The following MAPKBP1 variants were observed in gnomAD, a reference collection of about 807,000 sequenced individuals.
The protein encoded by MAPKBP1 is mitogen-activated protein kinase binding protein 1.
In MAPKBP1, 71 loss-of-function variants were observed where a neutral mutation model predicts 170.5. That is an observed-to-expected ratio of 0.42 (90% CI 0.34 to 0.51). The LOEUF is 0.51. Among genes scored for constraint, MAPKBP1 ranks in the 20% least tolerant of loss-of-function variants. The probability of loss-of-function intolerance (pLI) is 0.06; values close to 1 mark genes in which losing one functional copy is unlikely to be tolerated. For synonymous variants in MAPKBP1, 719 were observed against 757.9 expected, an observed-to-expected ratio of 0.95 and a Z score of 0.84; for missense variants, 1,598 against 1,933.0, an observed-to-expected ratio of 0.83 and a Z score of 3.25.
chr15:41,818,735 T>C lies in MAPKBP1; in HGVS notation c.2157-88T>C, dbSNP rs895815581. The C allele has an allele frequency of 6.4e-7, 1 of 1,568,982 alleles. No individual in the cohort carries two copies. The highest frequency in any genetic ancestry group is 1.4e-5 in the African/African-American group (1 of 73,976). ...GACCTGAAGTGGAGGGTGGCTCTGG[T>C]CTCCTTGCCATCCATGGATAAGGGG... On this transcript the variant is annotated intron_variant, in intron 19 of 30. Transcript: ENST00000457542. The surrounding 1 kb of genome is among the most constrained non-coding windows in gnomAD (Gnocchi z 5.2).
intron 3 of MAPKBP1, among the ~76,000 whole-genome samples, chr15:41,804,551 G>A (rs752097385): frequency 6.6e-6 from 1 of 152,232 alleles, no homozygotes; most frequent in Non-Finnish European, 1.5e-5. Context: ...CTTGGTGCAT[G>A]CTGAGACCTG....
chr15:41,820,861 A>T lies in MAPKBP1; in HGVS notation c.2511A>T (p.Pro837=), dbSNP rs766721554. 6.8e-6 allele frequency: 11 copies of T among 1,613,982 alleles called. No homozygotes were observed. The highest frequency in any genetic ancestry group is 9.3e-6 in the Non-Finnish European group (11 of 1,179,954). The part of the protein sequence containing the change: ...RAQESVGFLD[P]APAANPGPRR... ...AGGAGTCCGTGGGGTTCCTGGACCC[A>T]GCTCCTGCAGCCAACCCAGGACCCA... Residue 837 remains proline, a synonymous_variant, in exon 23 of 31, where the codon CCA becomes CCT. Coordinates refer to ENST00000457542, the MANE Select transcript of MAPKBP1 (RefSeq NM_014994.3).
intron 30 of MAPKBP1, 54 bp downstream of exon 30, chr15:41,824,623 G>GT: frequency 6.7e-7 from 1 of 1,486,004 alleles, no homozygotes. Context: ...AGTGCTGGGT[G>GT]TTTCGGATAA....
chr15:41,778,405 T>C (rs2064131686), intron 2 of MAPKBP1, among the ~76,000 whole-genome samples: 1 of 152,200 alleles, frequency 6.6e-6, no homozygotes. Context: ...GGGTTCTTAA[T>C]TCAGGGGAGA....
Position 41,795,862 on chromosome 15 carries a change from G to A in MAPKBP1, c.115-3961G>A, listed in dbSNP as rs1016950171. On this transcript the variant is annotated intron_variant, in intron 2 of 30. Transcript: ENST00000457542. ...CTGACCTCGTGATCCGCCCGTCTCG[G>A]CCTCCCAAAGTGCTGGGATTACAGG... Among the ~76,000 whole-genome samples, 3 of 152,278 alleles carry A rather than the reference G, an allele frequency of 2.0e-5. No individual in the cohort carries two copies. The East Asian group carries it at 5.8e-4, about 29-fold the overall frequency.
Position 41,823,235 on chromosome 15 carries a change from AT to A in MAPKBP1, c.3598+14del. 1 of 1,610,454 alleles carries A rather than the reference AT, an allele frequency of 6.2e-7. No homozygotes were observed. The highest frequency in any genetic ancestry group is 1.1e-5 in the South Asian group (1 of 90,848). On this transcript the variant is annotated intron_variant, in intron 28 of 30. Coordinates refer to ENST00000457542, the MANE Select transcript of MAPKBP1 (RefSeq NM_014994.3). ...CTGGTGCCACAGGGTGAGAAGCCTG[AT>A]GGGTTCAGTGCCAGGGTGCAGGGTG...
intron 2 of MAPKBP1, among the ~76,000 whole-genome samples, chr15:41,795,432 G>T (rs1295727278): frequency 1.3e-5 from 2 of 151,960 alleles, no homozygotes; most frequent in Non-Finnish European, 2.9e-5. Flanking sequence ...TGAAGGGGAG[G>T]GTGTAGGAAA....
intron 27 of MAPKBP1, 78 bp from the exon 28 acceptor site, chr15:41,822,861 G>A (rs2065024430): frequency 6.6e-7 from 1 of 1,523,384 alleles, no homozygotes; most frequent in East Asian, 2.3e-5. Flanking sequence ...GTGCCCTGGT[G>A]CTATGAGTTT....
At chr15:41,816,394 G>A in intron 12 of MAPKBP1, 165 bp from the exon 13 acceptor site, 1 of 584,490 alleles carries the variant, frequency 1.7e-6, no homozygotes, top group Admixed American at 3.0e-5. Context: ...ATTAGGGAAA[G>A]CTGGGTAAGG....
Position 41,816,665 on chromosome 15 carries a change from C to G in MAPKBP1, c.1585+15C>G. The G allele has an allele frequency of 6.2e-7, 1 of 1,609,766 alleles. No homozygotes were observed. The highest frequency in any genetic ancestry group is 8.5e-7 in the Non-Finnish European group (1 of 1,176,772). ...GCCAGACACAGGTTAGGAGAATGCC[C>G]GGAATGGCACAGGGCTCCTCCAGTC... On this transcript the variant is annotated intron_variant, in intron 13 of 30. Coordinates refer to ENST00000457542, the MANE Select transcript of MAPKBP1 (RefSeq NM_014994.3).
intron 21 of MAPKBP1, 39 bp from the exon 22 acceptor site, chr15:41,819,556 G>GGGGGC (rs151281998): frequency 1.1e-5 from 15 of 1,347,540 alleles, no homozygotes; most frequent in Non-Finnish European, 1.4e-5. Flanking sequence ...GCGGGGGGGG[G>GGGGGC]GCAGGAGACA....
intron 3 of MAPKBP1, among the ~76,000 whole-genome samples, chr15:41,807,261 G>A (rs750124951): frequency 6.6e-5 from 10 of 152,146 alleles, no homozygotes; most frequent in Non-Finnish European, 8.8e-5. Context: ...TTCCACCATG[G>A]AGCTGAACAT....
chr15:41,801,983 A>G (rs2064602953), intron 3 of MAPKBP1, among the ~76,000 whole-genome samples: 1 of 152,218 alleles, frequency 6.6e-6, no homozygotes, highest in African/African-American at 2.4e-5. Flanking sequence ...ATTACAGAGT[A>G]TACTTACACA....
In MAPKBP1 at chr15:41,821,044, C is replaced by A; in HGVS notation, c.2694C>A (p.Ala898=). Residue 898 remains alanine, a synonymous_variant, in exon 23 of 31, where the codon GCC becomes GCA. Transcript: ENST00000457542. ...GTCCCAGGAAGCATGGGCAGGAGGC[C>A]CTTGAGACTTCACTCACTAGCCAGG... The part of the protein sequence containing the change: ...PSGPRKHGQE[A]LETSLTSQNE... 1 of 1,614,076 alleles carries A rather than the reference C, an allele frequency of 6.2e-7. No homozygotes were observed. The highest frequency in any genetic ancestry group is 8.5e-7 in the Non-Finnish European group (1 of 1,179,996).
intron 2 of MAPKBP1, among the ~76,000 whole-genome samples, chr15:41,791,126 A>T (rs2064388726): frequency 6.6e-6 from 1 of 152,202 alleles, no homozygotes; most frequent in Non-Finnish European, 1.5e-5. Flanking sequence ...AGAAACAGCA[A>T]GTCCATGGTT....
Position 41,813,703 on chromosome 15 carries a change from C to T in MAPKBP1, c.902C>T (p.Pro301Leu), listed in dbSNP as rs2152079366. 6.2e-7 allele frequency: 1 copy of T among 1,613,934 alleles called. No homozygotes were observed. The highest frequency in any genetic ancestry group is 8.5e-7 in the Non-Finnish European group (1 of 1,179,954). The change falls in exon 9 of 31, where the codon CCC (proline) becomes CTC (leucine). Residue 301 changes from proline to leucine, a missense_variant. Around this residue, in one of 6 missense-constraint regions of MAPKBP1, gnomAD observed 430 missense variants for 617.2 expected, o/e 0.70. Transcript: ENST00000457542. ...CADGTVRLFN[P>L]SNLHFLSTLP... ...GATGGCACCGTGCGCCTTTTCAACCCCTCTAACCTGCACTTCCTTAGCACC... is the reference window on the plus strand; with the variant it reads ...GATGGCACCGTGCGCCTTTTCAACCTCTCTAACCTGCACTTCCTTAGCACC...
At chr15:41,824,651 T>G in intron 30 of MAPKBP1, 82 bp downstream of exon 30, 2 of 1,320,858 alleles carry the variant, frequency 1.5e-6, no homozygotes, top group Non-Finnish European at 2.1e-6. Context: ...CAGAACAGTA[T>G]GCTAAGCCTC....
intron 2 of MAPKBP1, among the ~76,000 whole-genome samples, chr15:41,788,851 A>G (rs941639548): frequency 6.6e-6 from 1 of 152,218 alleles, no homozygotes; most frequent in Non-Finnish European, 1.5e-5. Flanking sequence ...ATGCTGTGGA[A>G]AAATTACACG....
At chr15:41,806,796 G>A (rs1490332039) in intron 3 of MAPKBP1, among the ~76,000 whole-genome samples, 1 of 152,174 alleles carries the variant, frequency 6.6e-6, no homozygotes, top group Non-Finnish European at 1.5e-5. Context: ...GAGAAAGATT[G>A]ATACAAACTG....
Sources: allele counts gnomAD v4.1 joint callset (sites outside exome capture counted in the v4.1 genomes callset), GRCh38; gene constraint gnomAD v4.1.1; regional missense constraint gnomAD v4.1.1; non-coding constraint Gnocchi (gnomAD v3.1); transcripts MANE v1.5; gene names NCBI Gene and HGNC (gene_info 2026-07-23, HGNC 2026-07-21).